DSTYK: variants seen among roughly 807,000 people sequenced by gnomAD.
DSTYK encodes the protein RIP-homologous kinase.
A neutral mutation model predicts 98.7 loss-of-function variants in DSTYK; 34 were observed. The ratio of observed to expected loss-of-function variants is 0.34; its 90% CI spans 0.26 to 0.46. The LOEUF is 0.46. Among genes scored for constraint, DSTYK ranks in the 20% least tolerant of loss-of-function variants. The pLI, the probability that DSTYK is intolerant of heterozygous loss-of-function variation, is 1.00. For synonymous variants in DSTYK, 462 were observed against 457.3 expected, an observed-to-expected ratio of 1.01 and a Z score of -0.13; for missense variants, 962 against 1,181.7, an observed-to-expected ratio of 0.81 and a Z score of 2.73.
chr1:205,202,518 T>A (rs115445222), intron 1 of DSTYK: 20,615 of 860,702 alleles, frequency 0.024, 359 homozygotes, highest in Non-Finnish European at 0.032. Flanking sequence ...TAGATGTAGA[T>A]TCTCTGGTCG....
In DSTYK at chr1:205,145,373, T is replaced by C. The variant is rs1263084337; in HGVS notation, c.*2185A>G. Reference sequence around the variant, plus strand: ...GCTACTATGCTCAAACATATCATGATCAGAGCCCAGGATAGCCAAAGAGTT... The same window carrying C: ...GCTACTATGCTCAAACATATCATGACCAGAGCCCAGGATAGCCAAAGAGTT... On this transcript the variant is annotated 3_prime_UTR_variant, in exon 13 of 13. Transcript: ENST00000367162. 6.6e-6 allele frequency: 1 copy of C among 151,790 alleles called. No homozygotes were observed. The highest frequency in any genetic ancestry group is 1.9e-4 in the East Asian group (1 of 5,160). The allele number at this position is 151,790 out of a possible 1,614,324, so 9.4% of individuals were successfully genotyped here.
intron 2 of DSTYK, among the ~76,000 whole-genome samples, chr1:205,176,334 G>A (rs147027189): frequency 6.2e-4 from 95 of 152,052 alleles, no homozygotes; most frequent in African/African-American, 2.0e-3. Flanking sequence ...AAAATTAGCC[G>A]GGGTGGTGGC....
chr1:205,196,472 T>C (rs1216192337), intron 1 of DSTYK, among the ~76,000 whole-genome samples: 1 of 152,094 alleles, frequency 6.6e-6, no homozygotes, highest in Non-Finnish European at 1.5e-5. Context: ...CAGGATTTCT[T>C]GAGCCCAGGA....
Position 205,157,258 on chromosome 1 carries a change from A to G in DSTYK, c.2352+15T>C. 6.2e-7 allele frequency: 1 copy of G among 1,610,178 alleles called. No individual in the cohort carries two copies. The highest frequency in any genetic ancestry group is 8.5e-7 in the Non-Finnish European group (1 of 1,176,476). On this transcript the variant is annotated intron_variant, in intron 10 of 12. Transcript: ENST00000367162. ...AGAGGTAGGGTATAATCTTGGGGAAACAGCTTTTACTTACCAGCACATTTT... is the reference window on the plus strand; with the variant it reads ...AGAGGTAGGGTATAATCTTGGGGAAGCAGCTTTTACTTACCAGCACATTTT...
chr1:205,171,755 G>A (rs950317374), intron 2 of DSTYK, among the ~76,000 whole-genome samples: 1 of 152,152 alleles, frequency 6.6e-6, no homozygotes, highest in Admixed American at 6.5e-5. Context: ...TCAAGGGTCT[G>A]TAAACTCAGA....
chr1:205,148,326 A>G lies in DSTYK; in HGVS notation c.2481T>C (p.Asn827=). The G allele has an allele frequency of 6.2e-7, 1 of 1,613,984 alleles. No homozygotes were observed. Among genetic ancestry groups the G allele is most frequent in the African/African-American group, 1.3e-5 (1 of 75,056 alleles). The stretch of plus-strand genomic sequence containing the variant: ...TTCCAAAAGCGTAGACATCCACGGA[A>G]TTATCGTACTTCCCTGATGGCAAGA... ...APELFTGKYD[N]SVDVYAFGIL... The change falls in exon 12 of 13, where the codon AAT becomes AAC. Residue 827 remains asparagine, a synonymous_variant. Coordinates refer to ENST00000367162, the MANE Select transcript of DSTYK (RefSeq NM_015375.3).
chr1:205,184,163 G>A (rs978087750), intron 2 of DSTYK, among the ~76,000 whole-genome samples: 1 of 151,982 alleles, frequency 6.6e-6, no homozygotes, highest in Non-Finnish European at 1.5e-5. Flanking sequence ...GCTCTCAGTG[G>A]GAAGACACAT....
chr1:205,167,092 T>G (rs1657910811), intron 3 of DSTYK, among the ~76,000 whole-genome samples: 1 of 152,196 alleles, frequency 6.6e-6, no homozygotes, highest in Admixed American at 6.5e-5. Flanking sequence ...GCAATTGTTA[T>G]TAGCTAAGAA....
chr1:205,165,978 G>C (rs1354824021), intron 3 of DSTYK, among the ~76,000 whole-genome samples: 2 of 151,560 alleles, frequency 1.3e-5, no homozygotes, highest in African/African-American at 4.9e-5. Context: ...GACTAGACCA[G>C]GCCTCTGCAC....
chr1:205,160,555 C>T (rs1406037326), intron 7 of DSTYK, among the ~76,000 whole-genome samples: 4 of 151,804 alleles, frequency 2.6e-5, no homozygotes, highest in Admixed American at 6.6e-5. Context: ...AGGGTGGTCC[C>T]GAACTCCTGG....
intron 2 of DSTYK, among the ~76,000 whole-genome samples, chr1:205,184,473 A>G (rs1245271824): frequency 2.6e-5 from 4 of 151,638 alleles, no homozygotes; most frequent in Non-Finnish European, 5.9e-5. Flanking sequence ...TTGGGAGGCT[A>G]AGGAAAGAGA....
At chr1:205,211,102 C>T (rs1177250567) in intron 1 of DSTYK, among the ~76,000 whole-genome samples, 169 bp downstream of exon 1, 1 of 152,230 alleles carries the variant, frequency 6.6e-6, no homozygotes, top group African/African-American at 2.4e-5. Flanking sequence ...GGATGCCCTC[C>T]CAAGGTATCC....
At position 205,187,427 on chromosome 1, in the gene DSTYK, A is replaced by G. The variant is rs1006801833; in HGVS notation, c.645T>C (p.Ala215=). The change falls in exon 2 of 13, where the codon GCT becomes GCC. Residue 215 remains alanine (A), a synonymous_variant. Transcript: ENST00000367162. Reference sequence around the variant, plus strand: ...AGTATGAGATTGGTACCTGTAAGAGAGCATGGTGCATCGTTACCTCCAGTT... The same window carrying G: ...AGTATGAGATTGGTACCTGTAAGAGGGCATGGTGCATCGTTACCTCCAGTT... The part of the protein sequence containing the change: ...LAELEVTMHH[A]LLQEVDVVVA... 6.2e-7 allele frequency: 1 copy of G among 1,610,078 alleles called. No individual in the cohort carries two copies. The highest frequency in any genetic ancestry group is 1.3e-5 in the African/African-American group (1 of 74,990).
Position 205,147,574 on chromosome 1 carries a change from A to G in DSTYK, c.2774T>C (p.Leu925Pro). 1 of 1,610,434 alleles carries G rather than the reference A, an allele frequency of 6.2e-7. No individual in the cohort carries two copies. The highest frequency in any genetic ancestry group is 1.3e-5 in the African/African-American group (1 of 75,020). ...TCTTTGCTTTCAAGTAGAATCATCTAGTCCTCTGTTTGGCTGCTCAGAATT... is the reference window on the plus strand; with the variant it reads ...TCTTTGCTTTCAAGTAGAATCATCTGGTCCTCTGTTTGGCTGCTCAGAATT... ...KSNSEQPNRG[L>P]DDST is the part of the protein sequence containing the mutation. Residue 925 changes from leucine to proline, a missense_variant, in exon 13 of 13, where the codon CTA becomes CCA. Transcript: ENST00000367162.
intron 1 of DSTYK, among the ~76,000 whole-genome samples, chr1:205,198,216 G>A (rs187002869): frequency 2.0e-5 from 3 of 152,028 alleles, no homozygotes; most frequent in Non-Finnish European, 4.4e-5. Flanking sequence ...AAGAAAGAAA[G>A]AAAGAAACCA....
chr1:205,164,500 C>T (rs1657829289), intron 3 of DSTYK, among the ~76,000 whole-genome samples: 1 of 145,442 alleles, frequency 6.9e-6, no homozygotes, highest in Non-Finnish European at 1.5e-5. Context: ...CTCGCTGTGT[C>T]GCCCAGGCTG....
intron 5 of DSTYK, among the ~76,000 whole-genome samples, chr1:205,162,456 C>T (rs1450540507): frequency 2.0e-5 from 3 of 152,188 alleles, no homozygotes; most frequent in African/African-American, 7.2e-5. Flanking sequence ...ATATTACATT[C>T]AGTGCCAGGG....
chr1:205,211,066 C>G (rs1659358078), intron 1 of DSTYK, among the ~76,000 whole-genome samples: 1 of 152,224 alleles, frequency 6.6e-6, no homozygotes, highest in African/African-American at 2.4e-5. Flanking sequence ...GGTCCCCCAG[C>G]GGGCCCCTTC....
intron 1 of DSTYK, chr1:205,202,892 CTTTT>C (rs537971001): frequency 3.1e-6 from 1 of 319,730 alleles, no homozygotes. Flanking sequence ...ATTTCTGTAA[CTTTT>C]TTTTAGGTTT....
Sources: allele counts gnomAD v4.1 joint callset (sites outside exome capture counted in the v4.1 genomes callset), GRCh38; gene constraint gnomAD v4.1.1; transcripts MANE v1.5; gene names NCBI Gene and HGNC (gene_info 2026-07-23, HGNC 2026-07-21).